NFASC: variants seen among roughly 807,000 people sequenced by gnomAD.
NFASC encodes the protein neurofascin.
Under a neutral mutation model 147.5 loss-of-function variants are expected in NFASC, and 43 were observed. That is an observed-to-expected ratio of 0.29 (90% CI 0.23 to 0.38). The LOEUF is 0.38. Among genes scored for constraint, NFASC ranks in the 10% least tolerant of loss-of-function variants. NFASC has a pLI of 1.00. For synonymous variants in NFASC, 622 were observed against 665.5 expected, an observed-to-expected ratio of 0.93 and a Z score of 1.01; for missense variants, 1,320 against 1,689.0, an observed-to-expected ratio of 0.78 and a Z score of 3.83.
In NFASC at chr1:204,949,595, TC is replaced by T. The variant is rs371258823; in HGVS notation, c.92-958del. Among the ~76,000 whole-genome samples, 58 of 152,322 alleles carry T rather than the reference TC, an allele frequency of 3.8e-4. 3 individuals carry two copies. Among genetic ancestry groups the T allele is most frequent in the African/African-American group, 1.4e-3 (57 of 41,568 alleles). On this transcript the variant is annotated intron_variant, in intron 3 of 29. Coordinates refer to ENST00000339876, the MANE Select transcript of NFASC (RefSeq NM_001005388.3). ...TCTGCACATTTTAACCAAGACCTTG[TC>T]CCCACAAAAAGCACACCATCTAAAA... is the stretch of plus-strand genomic sequence containing the variant.
intron 1 of NFASC, among the ~76,000 whole-genome samples, chr1:204,867,762 C>T (rs965096540): frequency 6.6e-5 from 10 of 152,204 alleles, no homozygotes; most frequent in Admixed American, 5.9e-4. Flanking sequence ...CATGCATAGG[C>T]ACAGCCACAG....
At chr1:204,950,140 G>T (rs2094008169) in intron 3 of NFASC, among the ~76,000 whole-genome samples, 1 of 152,236 alleles carries the variant, frequency 6.6e-6, no homozygotes, top group Admixed American at 6.5e-5. Flanking sequence ...CACCTGTCTT[G>T]CCCTCAGCCT....
chr1:204,858,757 C>T (rs1001233149), intron 1 of NFASC, among the ~76,000 whole-genome samples: 3 of 152,140 alleles, frequency 2.0e-5, no homozygotes, highest in South Asian at 4.1e-4. Flanking sequence ...GCACCTGCTC[C>T]GTGTAGGAGC....
At chr1:204,948,536 C>T in intron 3 of NFASC, 1 of 514,020 alleles carries the variant, frequency 1.9e-6, no homozygotes, top group South Asian at 1.4e-5. Context: ...AGTCCTGAGG[C>T]CCCAGCTGGC....
intron 3 of NFASC, 25 bp downstream of exon 3, chr1:204,944,431 CTTTT>C: frequency 4.8e-6 from 4 of 826,540 alleles, no homozygotes; most frequent in Non-Finnish European, 5.3e-6. Flanking sequence ...ATTCTCTTCT[CTTTT>C]TTTTCCTGAT....
chr1:204,941,198 T>C (rs1383539858), intron 2 of NFASC, among the ~76,000 whole-genome samples: 1 of 152,216 alleles, frequency 6.6e-6, no homozygotes. Flanking sequence ...CTTTTGTTTC[T>C]TCATCTGAAA....
intron 1 of NFASC, among the ~76,000 whole-genome samples, chr1:204,877,503 G>A (rs771232979): frequency 1.3e-4 from 20 of 152,100 alleles, no homozygotes; most frequent in Non-Finnish European, 2.9e-4. Context: ...TTAACCTTTA[G>A]GAAGGAAACT....
At chr1:205,009,206 G>A (rs188681058) in intron 27 of NFASC, 25 of 387,670 alleles carry the variant, frequency 6.4e-5, no homozygotes, top group East Asian at 3.1e-4. Context: ...TGGCCAATCC[G>A]TGGCCATCCC....
In NFASC at chr1:204,987,223, T is replaced by C; in HGVS notation, c.2471-195T>C. ...TCTGAGCTATGTTTGTCCTCAGACC[T>C]GAAGGAAATAGCATCCTGGATGGGG... On this transcript the variant is annotated intron_variant, in intron 21 of 29. Transcript: ENST00000339876. The surrounding 1 kb of genome is among the most constrained non-coding windows in gnomAD (Gnocchi z 4.4). 3.4e-6 allele frequency: 2 copies of C among 594,410 alleles called. No homozygotes were observed. The highest frequency in any genetic ancestry group is 6.0e-6 in the Non-Finnish European group (2 of 334,794). 36.8% of individuals were successfully genotyped at this position (594,410 alleles called of 1,614,324 possible). A position where few individuals can be genotyped will look rare whatever the true frequency, so the allele number is the denominator to read the frequency against.
chr1:204,873,421 TC>T (rs2078114426), intron 1 of NFASC, among the ~76,000 whole-genome samples: 1 of 152,062 alleles, frequency 6.6e-6, no homozygotes. Flanking sequence ...GGCCAGAGAA[TC>T]CCCCAGGCTT....
chr1:204,907,418 A>T (rs1412483979), intron 1 of NFASC, among the ~76,000 whole-genome samples: 1 of 152,086 alleles, frequency 6.6e-6, no homozygotes, highest in Non-Finnish European at 1.5e-5. Context: ...TCATCCTCTT[A>T]GTAATGTCTC....
At chr1:204,898,557 G>C (rs1226961227) in intron 1 of NFASC, among the ~76,000 whole-genome samples, 2 of 152,362 alleles carry the variant, frequency 1.3e-5, no homozygotes, top group East Asian at 3.9e-4. Flanking sequence ...TGTGAGGGCA[G>C]AGCACTCTAT....
At chr1:204,990,563 C>CAAAAAAAAAAA (rs55745283) in intron 23 of NFASC, 1 of 126,700 alleles carries the variant, frequency 7.9e-6, no homozygotes, top group Non-Finnish European at 1.6e-5. Context: ...GCTCTCAGTC[C>CAAAAAAAAAAA]AAAAAAAAAA....
At chr1:204,967,614 T>C (rs1345993938) in intron 8 of NFASC, among the ~76,000 whole-genome samples, 1 of 150,966 alleles carries the variant, frequency 6.6e-6, no homozygotes, top group East Asian at 2.0e-4. Context: ...CCTCCCCAGC[T>C]GTCTTCCCGA....
At chr1:205,004,375 T>C (rs2096063164) in intron 27 of NFASC, among the ~76,000 whole-genome samples, 1 of 152,246 alleles carries the variant, frequency 6.6e-6, no homozygotes, top group Admixed American at 6.5e-5. Flanking sequence ...TGAACCTAAA[T>C]ACTCATTTCT....
At chr1:204,965,055 C>T (rs1463571881) in intron 8 of NFASC, among the ~76,000 whole-genome samples, 3 of 152,210 alleles carry the variant, frequency 2.0e-5, no homozygotes, top group Non-Finnish European at 4.4e-5. Context: ...CTGACTGTCC[C>T]TGGGCAAGAA....
chr1:204,983,381 G>C (rs1015474322), intron 21 of NFASC, among the ~76,000 whole-genome samples: 1 of 152,244 alleles, frequency 6.6e-6, no homozygotes, highest in Admixed American at 6.5e-5. Flanking sequence ...TATTTATAAC[G>C]TGTGGAGAGA....
Position 205,016,618 on chromosome 1 carries a change from C to T in NFASC, c.*79C>T, listed in dbSNP as rs2096364609. The T allele has an allele frequency of 1.0e-6, 1 of 982,774 alleles. No individual in the cohort carries two copies. Among genetic ancestry groups the T allele is most frequent in the Non-Finnish European group, 1.6e-6 (1 of 620,158 alleles). 60.9% of individuals were successfully genotyped at this position (982,774 alleles called of 1,614,324 possible). On this transcript the variant is annotated 3_prime_UTR_variant, in exon 30 of 30. Coordinates refer to ENST00000339876, the MANE Select transcript of NFASC (RefSeq NM_001005388.3). This position sits in a 1 kb window ranked among gnomAD's most constrained non-coding sequence, Gnocchi z 5.1. ...GGAGACAAAACCACTGCAGACCTAC[C>T]ACGAAGCCACCACCACCTTCAGTAA...
chr1:205,005,246 A>G (rs2096078545), intron 27 of NFASC, among the ~76,000 whole-genome samples: 1 of 152,044 alleles, frequency 6.6e-6, no homozygotes, highest in Admixed American at 6.5e-5. Flanking sequence ...ATATTTGTTA[A>G]TCTATCCCTA....
Sources: allele counts gnomAD v4.1 joint callset (sites outside exome capture counted in the v4.1 genomes callset), GRCh38; gene constraint gnomAD v4.1.1; non-coding constraint Gnocchi (gnomAD v3.1); transcripts MANE v1.5; gene names NCBI Gene and HGNC (gene_info 2026-07-23, HGNC 2026-07-21).